The following ABLIM2 variants were observed in gnomAD, a reference collection of about 807,000 sequenced individuals.
ABLIM2 encodes actin-binding LIM protein 2.
Under a neutral mutation model 97.7 loss-of-function variants are expected in ABLIM2, and 53 were observed. The ratio of observed to expected loss-of-function variants is 0.54; its 90% CI spans 0.44 to 0.68. The LOEUF is 0.68. Among genes scored for constraint, ABLIM2 ranks in the 30% least tolerant of loss-of-function variants. The pLI is 0.00. For synonymous variants in ABLIM2, 361 were observed against 345.8 expected (o/e 1.04, Z -0.49); for missense variants, 835 against 867.2 (o/e 0.96, Z 0.47).
chr4:8,073,837 C>T (rs750710752), intron 6 of ABLIM2, among the ~76,000 whole-genome samples: 5 of 152,090 alleles, frequency 3.3e-5, no homozygotes, highest in East Asian at 1.9e-4. Context: ...CCTGTAACCC[C>T]GGCATTTTGG....
At chr4:7,984,575 C>T (rs1189787935) in intron 18 of ABLIM2, among the ~76,000 whole-genome samples, 1 of 152,252 alleles carries the variant, frequency 6.6e-6, no homozygotes, top group Non-Finnish European at 1.5e-5. Flanking sequence ...CCAAGTGACA[C>T]AGAGTGCCAT....
intron 1 of ABLIM2, among the ~76,000 whole-genome samples, chr4:8,145,390 G>C (rs1203506649): frequency 1.3e-5 from 2 of 152,006 alleles, no homozygotes; most frequent in African/African-American, 2.4e-5. Flanking sequence ...CTCCATGTTG[G>C]CCAGGCTGAT....
intron 12 of ABLIM2, among the ~76,000 whole-genome samples, 191 bp downstream of exon 12, chr4:8,027,568 C>T (rs1163257660): frequency 6.6e-6 from 1 of 152,174 alleles, no homozygotes; most frequent in Non-Finnish European, 1.5e-5. Context: ...AACAAGGTAC[C>T]TAAGTTTTCC....
rs147684014 is a variant in ABLIM2 at position 8,002,891 on chromosome 4, G to A, written c.1618+5168C>T. Among the ~76,000 whole-genome samples the A allele has an allele frequency of 5.5e-4, 84 of 152,262 alleles. No individual in the cohort carries two copies. Among genetic ancestry groups the A allele is most frequent in the African/African-American group, 1.7e-3 (71 of 41,540 alleles). On this transcript the variant is annotated intron_variant, in intron 16 of 20. Transcript: ENST00000447017. This position sits in a 1 kb window ranked among gnomAD's most constrained non-coding sequence, Gnocchi z 6.1. ...CCCACTTCAAGCCGTGCCAGGTACC[G>A]TCTCTCTGCACTGACTACTTACTGT...
chr4:8,045,133 C>T, intron 9 of ABLIM2, 31 bp downstream of exon 9: 4 of 1,602,076 alleles, frequency 2.5e-6, no homozygotes, highest in East Asian at 2.2e-5. Flanking sequence ...CACCCTCCCA[C>T]CGCCGTCCCC....
Position 7,992,125 on chromosome 4 carries a change from A to G in ABLIM2, c.1680+741T>C, listed in dbSNP as rs1749322080. 6.6e-6 allele frequency among the ~76,000 whole-genome samples: 1 copy of G among 151,688 alleles called. No individual in the cohort carries two copies. Among genetic ancestry groups the G allele is most frequent in the Admixed American group, 6.6e-5 (1 of 15,252 alleles). ...GGTCTGGGACCAGCAAGCCTGCCCCACCCTAAGGATCCTCACTGGGGACCC... is the reference window on the plus strand; with the variant it reads ...GGTCTGGGACCAGCAAGCCTGCCCCGCCCTAAGGATCCTCACTGGGGACCC... On this transcript the variant is annotated intron_variant, in intron 17 of 20. Transcript: ENST00000447017. The surrounding 1 kb of genome is among the most constrained non-coding windows in gnomAD (Gnocchi z 5.7).
At position 8,019,668 on chromosome 4, in the gene ABLIM2, G is replaced by C. The variant is rs1361465513; in HGVS notation, c.1373C>G (p.Thr458Ser). Residue 458 changes from threonine to serine, a missense_variant, in exon 14 of 21, where the codon ACT (threonine) becomes AGT (serine). Physicochemically the swap from Thr to Ser is moderately conservative, Grantham distance 58. Transcript: ENST00000447017. The surrounding 1 kb of genome is among the most constrained non-coding windows in gnomAD (Gnocchi z 4.3). ...CCTATAGATGTTATCTTTTACGCCA[G>C]TGTCTGGGGAAGAAGAAAGAAAAAA... ...QAPRHFHVPD[T>S]GVKDNIYRKP... is the part of the protein sequence containing the mutation. 3 of 1,612,204 alleles carry C rather than the reference G, an allele frequency of 1.9e-6. No homozygotes were observed. The highest frequency in any genetic ancestry group is 2.5e-6 in the Non-Finnish European group (3 of 1,179,048).
Position 7,970,036 on chromosome 4 carries a change from T to A in ABLIM2, c.1825-2933A>T, listed in dbSNP as rs1258717229. Among the ~76,000 whole-genome samples, 1 of 152,128 alleles carries A rather than the reference T, an allele frequency of 6.6e-6. No homozygotes were observed. Among genetic ancestry groups the A allele is most frequent in the Non-Finnish European group, 1.5e-5 (1 of 68,016 alleles). On this transcript the variant is annotated intron_variant, in intron 20 of 20. Transcript: ENST00000447017. This position sits in a 1 kb window ranked among gnomAD's most constrained non-coding sequence, Gnocchi z 5.3. Reference sequence around the variant, plus strand: ...TTACAGGTACAAAATCACCATCTTCTGAATTATGGTGGAACAATCAAGACG... The same window carrying A: ...TTACAGGTACAAAATCACCATCTTCAGAATTATGGTGGAACAATCAAGACG...
At chr4:8,007,163 G>A in intron 16 of ABLIM2, 2 of 985,396 alleles carry the variant, frequency 2.0e-6, no homozygotes, top group Non-Finnish European at 2.4e-6. Context: ...TGAGGATGAG[G>A]ATGAGGATGA....
At chr4:8,106,353 C>T (rs1837395042) in intron 2 of ABLIM2, 141 bp downstream of exon 2, 4 of 1,202,140 alleles carry the variant, frequency 3.3e-6, no homozygotes, top group Non-Finnish European at 4.6e-6. Flanking sequence ...AGATCCCACT[C>T]TCCTCTGAAG....
Position 8,127,787 on chromosome 4 carries a change from A to C in ABLIM2, c.11-21150T>G. 1 of 893,990 alleles carries C rather than the reference A, an allele frequency of 1.1e-6. No homozygotes were observed. Among genetic ancestry groups the C allele is most frequent in the Non-Finnish European group, 1.3e-6 (1 of 749,362 alleles). The allele number at this position is 893,990 out of a possible 1,614,324, so 55.4% of individuals were successfully genotyped here. On this transcript the variant is annotated intron_variant, in intron 1 of 20. Coordinates refer to ENST00000447017, the MANE Select transcript of ABLIM2 (RefSeq NM_001130083.2). The surrounding 1 kb of genome is among the most constrained non-coding windows in gnomAD (Gnocchi z 7.3). ...CACTGAAATAGACTCCCGCCACACT[A>C]TGCGCCAGAGACACACCTGTCTCCC...
intron 7 of ABLIM2, among the ~76,000 whole-genome samples, chr4:8,056,403 CA>C (rs1223044883): frequency 3.3e-5 from 5 of 150,632 alleles, no homozygotes; most frequent in Non-Finnish European, 7.4e-5. Context: ...TGGTCTCAAG[CA>C]ATCCTCCTGC....
Position 8,125,647 on chromosome 4 carries a change from G to A in ABLIM2, c.11-19010C>T, listed in dbSNP as rs550758088. On this transcript the variant is annotated intron_variant, in intron 1 of 20. Transcript: ENST00000447017. This position sits in a 1 kb window ranked among gnomAD's most constrained non-coding sequence, Gnocchi z 6.2. ...TGGTTGGCTCTGCCATCAGTGTGAC[G>A]GTCCGTCCAGCACAGTTGTCCACAG... Among the ~76,000 whole-genome samples, 36 of 152,290 alleles carry A rather than the reference G, an allele frequency of 2.4e-4. No individual in the cohort carries two copies. Among genetic ancestry groups the A allele is most frequent in the African/African-American group, 7.9e-4 (33 of 41,566 alleles).
At chr4:8,129,389 C>T (rs181824506) in intron 1 of ABLIM2, among the ~76,000 whole-genome samples, 145 of 152,328 alleles carry the variant, frequency 9.5e-4, no homozygotes, top group African/African-American at 3.2e-3. Flanking sequence ...GCGGCCCCTG[C>T]GCGCCCGAAA....
At chr4:8,126,227 G>T (rs1266199005) in intron 1 of ABLIM2, among the ~76,000 whole-genome samples, 1 of 152,130 alleles carries the variant, frequency 6.6e-6, no homozygotes, top group Non-Finnish European at 1.5e-5. Context: ...CAGAAGGAGG[G>T]CACCAGGGAG....
rs1578869756 is a variant in ABLIM2 at position 8,021,300 on chromosome 4, T to C, written c.1268-997A>G. Among the ~76,000 whole-genome samples the C allele has an allele frequency of 6.6e-6, 1 of 152,208 alleles. No homozygotes were observed. The highest frequency in any genetic ancestry group is 1.9e-4 in the East Asian group (1 of 5,172). ...AAGTCACGCATCCAGAGGGCCGAGG[T>C]GACCTGGGTGACGCCCCTCCCCCCA... On this transcript the variant is annotated intron_variant, in intron 12 of 20. Coordinates refer to ENST00000447017, the MANE Select transcript of ABLIM2 (RefSeq NM_001130083.2). This position sits in a 1 kb window ranked among gnomAD's most constrained non-coding sequence, Gnocchi z 5.5.
rs1262559305 is a variant in ABLIM2 at position 8,113,121 on chromosome 4, G to A, written c.11-6484C>T. On this transcript the variant is annotated intron_variant, in intron 1 of 20. Transcript: ENST00000447017. The surrounding 1 kb of genome is among the most constrained non-coding windows in gnomAD (Gnocchi z 4.5). ...ATCTTTTTTCTTCTCCTGAGGCAGG[G>A]TCTCGCTCTGTCAACCAGGCTGGAG... 6.6e-6 allele frequency among the ~76,000 whole-genome samples: 1 copy of A among 152,130 alleles called. No individual in the cohort carries two copies. Among genetic ancestry groups the A allele is most frequent in the Admixed American group, 6.5e-5 (1 of 15,274 alleles).
In ABLIM2 at chr4:8,082,636, A is replaced by G; in HGVS notation, c.455-1834T>C. Among the ~76,000 whole-genome samples the G allele has an allele frequency of 6.6e-6, 1 of 152,258 alleles. No individual in the cohort carries two copies. The highest frequency in any genetic ancestry group is 3.2e-3 in the Middle Eastern group (1 of 316). On this transcript the variant is annotated intron_variant, in intron 4 of 20. Coordinates refer to ENST00000447017, the MANE Select transcript of ABLIM2 (RefSeq NM_001130083.2). The surrounding 1 kb of genome is among the most constrained non-coding windows in gnomAD (Gnocchi z 5.6). ...TGTGCACATTCACATGCTACTTTGGAAAACAGCCAGAGAGCAGATTCAAAC... is the reference window on the plus strand; with the variant it reads ...TGTGCACATTCACATGCTACTTTGGGAAACAGCCAGAGAGCAGATTCAAAC...
Position 8,002,004 on chromosome 4 carries a change from G to A in ABLIM2, c.1618+6055C>T, listed in dbSNP as rs1336668097. Among the ~76,000 whole-genome samples, 1 of 152,232 alleles carries A rather than the reference G, an allele frequency of 6.6e-6. No homozygotes were observed. Among genetic ancestry groups the A allele is most frequent in the Admixed American group, 6.5e-5 (1 of 15,282 alleles). On this transcript the variant is annotated intron_variant, in intron 16 of 20. Transcript: ENST00000447017. This position sits in a 1 kb window ranked among gnomAD's most constrained non-coding sequence, Gnocchi z 6.1. ...GGAGATGGGAGGACACTGACAAAGAGTAGGCTGGGGGCCAGGCAGGAGATC... is the reference window on the plus strand; with the variant it reads ...GGAGATGGGAGGACACTGACAAAGAATAGGCTGGGGGCCAGGCAGGAGATC...
Sources: gnomAD v4.1 joint callset for allele counts (sites outside exome capture counted in the v4.1 genomes callset) on GRCh38, gnomAD v4.1.1 for gene constraint, Gnocchi (gnomAD v3.1) non-coding constraint, MANE v1.5 for transcripts, NCBI Gene and HGNC (gene_info 2026-07-23, HGNC 2026-07-21) for gene names.